The following DIPK1A variants were observed in gnomAD, a reference collection of about 807,000 sequenced individuals.
DIPK1A encodes divergent protein kinase domain 1A, also known as family with sequence similarity 69 member A.
Under a neutral mutation model 40.8 loss-of-function variants are expected in DIPK1A, and 27 were observed. The observed-to-expected ratio is 0.66, with a 90% CI of 0.49 to 0.91. The LOEUF (loss-of-function observed/expected upper bound fraction) is 0.91. Ranked by LOEUF, DIPK1A falls within the 40% of genes least tolerant of loss-of-function variation. The probability of loss-of-function intolerance (pLI) is 0.00; values close to 1 mark genes in which losing one functional copy is unlikely to be tolerated. For missense variants in DIPK1A, 412 were observed against 505.7 expected (o/e 0.81, Z 1.78); for synonymous variants, 166 against 171.3 (o/e 0.97, Z 0.24).
chr1:92,849,519 T>G (rs1383576772), intron 3 of DIPK1A, among the ~76,000 whole-genome samples: 1 of 151,594 alleles, frequency 6.6e-6, no homozygotes, highest in Admixed American at 6.6e-5. Context: ...AGCTAATACA[T>G]ATATATTTTT....
intron 1 of DIPK1A, among the ~76,000 whole-genome samples, chr1:92,909,453 G>C (rs1649747173): frequency 6.6e-6 from 1 of 152,108 alleles, no homozygotes. Context: ...TCATATCTGG[G>C]GTCAAGAGGA....
At chr1:92,950,487 T>C (rs961484719) in intron 1 of DIPK1A, among the ~76,000 whole-genome samples, 2 of 152,202 alleles carry the variant, frequency 1.3e-5, no homozygotes, top group Non-Finnish European at 2.9e-5. Context: ...GGAAGCAATG[T>C]GGAGGATAGA....
chr1:92,860,243 C>T (rs1016278867), intron 2 of DIPK1A, among the ~76,000 whole-genome samples: 2 of 151,968 alleles, frequency 1.3e-5, no homozygotes, highest in Non-Finnish European at 2.9e-5. Context: ...TCAGATTGCA[C>T]GGAGGGCTGA....
chr1:92,899,915 T>A (rs547599249), intron 1 of DIPK1A, among the ~76,000 whole-genome samples: 1 of 152,300 alleles, frequency 6.6e-6, no homozygotes, highest in Admixed American at 6.5e-5. Context: ...GTGGTATTCC[T>A]GGCTGGCTAT....
chr1:92,833,844 T>C, intron 4 of DIPK1A: 1 of 604,726 alleles, frequency 1.7e-6, no homozygotes, highest in Non-Finnish European at 2.9e-6. Context: ...AAAATGCTCT[T>C]GGTTGCGCTC....
At chr1:92,848,753 C>T (rs961886301) in intron 3 of DIPK1A, among the ~76,000 whole-genome samples, 1 of 152,166 alleles carries the variant, frequency 6.6e-6, no homozygotes, top group African/African-American at 2.4e-5. Context: ...CCCTCAGTGC[C>T]TCAAACAGTG....
intron 1 of DIPK1A, among the ~76,000 whole-genome samples, chr1:92,887,107 C>T (rs1372876665): frequency 4.0e-5 from 6 of 151,656 alleles, no homozygotes; most frequent in Non-Finnish European, 4.4e-5. Context: ...TAAGTGCAAA[C>T]ATTAGATGCA....
At chr1:92,898,397 C>T (rs1649272225) in intron 1 of DIPK1A, among the ~76,000 whole-genome samples, 1 of 152,076 alleles carries the variant, frequency 6.6e-6, no homozygotes, top group Admixed American at 6.5e-5. Flanking sequence ...GAGAGATCCA[C>T]CCCCATGATC....
chr1:92,865,856 T>C (rs1647510484), intron 2 of DIPK1A, among the ~76,000 whole-genome samples: 2 of 152,218 alleles, frequency 1.3e-5, no homozygotes, highest in South Asian at 4.1e-4. Context: ...TGAAACGATA[T>C]ACTTGATTAA....
chr1:92,892,245 G>C (rs1285396024), intron 1 of DIPK1A, among the ~76,000 whole-genome samples: 2 of 152,084 alleles, frequency 1.3e-5, no homozygotes, highest in Non-Finnish European at 2.9e-5. Flanking sequence ...AGCCTAACTG[G>C]GAGGCACCCC....
chr1:92,872,426 T>C (rs1274840602), intron 2 of DIPK1A, among the ~76,000 whole-genome samples: 1 of 152,126 alleles, frequency 6.6e-6, no homozygotes, highest in Non-Finnish European at 1.5e-5. Context: ...AAATTCTCCA[T>C]TGTTTTACCT....
chr1:92,838,437 T>C (rs1054338148), downstream of DIPK1A, among the ~76,000 whole-genome samples: 1 of 152,274 alleles, frequency 6.6e-6, no homozygotes, highest in African/African-American at 2.4e-5. Context: ...TCCTAACCTA[T>C]ATCTTTATGT....
Position 92,843,471 on chromosome 1 carries a change from G to C in DIPK1A, c.1199C>G (p.Ala400Gly). The change falls in exon 5 of 5, where the codon GCA (alanine) becomes GGA (glycine). Residue 400 changes from alanine to glycine, a missense_variant. Ala to Gly is a moderately conservative substitution (Grantham distance 60, BLOSUM62 0). Transcript: ENST00000370310. The stretch of plus-strand genomic sequence containing the variant: ...AGAATGTTCCATTTCCATTTGATTT[G>C]CTGTGACTTTGAGAGCAATACAAGA... ...LYSCIALKVT[A>G]NQMEMEHSLI... The C allele has an allele frequency of 1.2e-5, 18 of 1,551,360 alleles. No individual in the cohort carries two copies. The highest frequency in any genetic ancestry group is 1.6e-5 in the Non-Finnish European group (18 of 1,146,770).
At chr1:92,914,072 G>GTC (rs1416306033) in intron 1 of DIPK1A, among the ~76,000 whole-genome samples, 3 of 151,614 alleles carry the variant, frequency 2.0e-5, no homozygotes, top group African/African-American at 4.8e-5. Flanking sequence ...TTTCTCAGTT[G>GTC]TCTCTCTCTC....
At chr1:92,857,723 C>T (rs1479459252) in intron 2 of DIPK1A, among the ~76,000 whole-genome samples, 1 of 152,100 alleles carries the variant, frequency 6.6e-6, no homozygotes, top group Non-Finnish European at 1.5e-5. Flanking sequence ...ACCATTATCT[C>T]CATTTTATTG....
intron 2 of DIPK1A, among the ~76,000 whole-genome samples, chr1:92,865,832 G>A (rs551519920): frequency 9.2e-5 from 14 of 152,230 alleles, no homozygotes; most frequent in African/African-American, 3.4e-4. Context: ...ATATTCTATA[G>A]TGATTTCCAA....
chr1:92,847,135 C>T (rs1350452563), intron 4 of DIPK1A, 48 bp downstream of exon 4: 4 of 1,277,854 alleles, frequency 3.1e-6, no homozygotes, highest in Non-Finnish European at 4.2e-6. Flanking sequence ...GCCAATTCCT[C>T]TAAAGAGTCC....
At chr1:92,958,174 C>T (rs1651924042) in intron 1 of DIPK1A, among the ~76,000 whole-genome samples, 2 of 152,220 alleles carry the variant, frequency 1.3e-5, no homozygotes, top group African/African-American at 2.4e-5. Context: ...TAGGTGCCTG[C>T]ATTAGCTCAT....
At chr1:92,924,010 A>G (rs1249988486) in intron 1 of DIPK1A, among the ~76,000 whole-genome samples, 1 of 152,260 alleles carries the variant, frequency 6.6e-6, no homozygotes, top group Non-Finnish European at 1.5e-5. Flanking sequence ...AGGGACTCAA[A>G]TAACATACCT....
Sources: allele counts gnomAD v4.1 joint callset (sites outside exome capture counted in the v4.1 genomes callset), GRCh38; gene constraint gnomAD v4.1.1; transcripts MANE v1.5; gene names NCBI Gene and HGNC (gene_info 2026-07-23, HGNC 2026-07-21).